SYNRG: variants seen among roughly 807,000 people sequenced by gnomAD.
SYNRG encodes the protein synergin gamma.
A neutral mutation model predicts 130.9 loss-of-function variants in SYNRG; 37 were observed. The observed-to-expected ratio is 0.28, with a 90% confidence interval of 0.22 to 0.37. The LOEUF is 0.37. Ranked by LOEUF, SYNRG falls within the 10% of genes least tolerant of loss-of-function variation. The pLI is 1.00. For synonymous variants in SYNRG, 539 were observed against 568.1 expected (o/e 0.95, Z 0.73); for missense variants, 1,338 against 1,588.9 (o/e 0.84, Z 2.68).
At chr17:37,586,370 AGATGCTATAATGTATCTTT>A (rs1189629186) in intron 4 of SYNRG, 30 bp downstream of exon 4, 1 of 1,605,222 alleles carries the variant, frequency 6.2e-7, no homozygotes, top group Admixed American at 1.7e-5. Context: ...TTCTTAAGAT[AGATGCTATAATGTATCTTT>A]GTTATCCTTT....
At chr17:37,520,734 G>T in intron 19 of SYNRG, 86 bp from the exon 20 acceptor site, 1 of 1,116,550 alleles carries the variant, frequency 9.0e-7, no homozygotes, top group Non-Finnish European at 1.4e-6. Flanking sequence ...CCCCCAGCAG[G>T]CCTAGCGGCA....
intron 18 of SYNRG, chr17:37,536,409 C>T (rs770599863): frequency 4.0e-5 from 16 of 402,878 alleles, no homozygotes; most frequent in Non-Finnish European, 6.1e-5. Context: ...TCAGTTTCCT[C>T]ATCTGTGAAG....
rs541368322 is a variant in SYNRG at position 37,537,871 on chromosome 17, G to T, written c.3517+453C>A. ...GGCCACGGGCCAAGCCTGAGCTTGGGGAAGGGAGGAACACCGAAGTGGACA... is the reference window on the plus strand; with the variant it reads ...GGCCACGGGCCAAGCCTGAGCTTGGTGAAGGGAGGAACACCGAAGTGGACA... On this transcript the variant is annotated intron_variant, in intron 18 of 21. Coordinates refer to ENST00000612223, the MANE Select transcript of SYNRG (RefSeq NM_007247.6). 7.2e-5 allele frequency among the ~76,000 whole-genome samples: 11 copies of T among 152,334 alleles called. No individual in the cohort carries two copies. In the South Asian group the frequency reaches 1.7e-3, roughly 23 times the overall value.
At chr17:37,540,188 G>A (rs9789065) in intron 16 of SYNRG, among the ~76,000 whole-genome samples, 192 bp downstream of exon 16, 12,450 of 152,260 alleles carry the variant, frequency 0.082, 814 homozygotes, top group East Asian at 0.2. Context: ...TTCAGTGGGT[G>A]CCACACCTGG....
chr17:37,601,234 A>C (rs928558616), intron 1 of SYNRG, among the ~76,000 whole-genome samples: 3 of 151,792 alleles, frequency 2.0e-5, no homozygotes, highest in African/African-American at 7.3e-5. Flanking sequence ...CGACTGGCTA[A>C]TTTTTTGTAT....
At chr17:37,529,855 G>C (rs897724745) in intron 19 of SYNRG, 117 of 1,551,334 alleles carry the variant, frequency 7.5e-5, no homozygotes, top group Non-Finnish European at 9.8e-5. Flanking sequence ...AGCAGCACTA[G>C]GAGAGAAGAG....
rs768014967 is a variant in SYNRG, at chr17:37,515,114, T to C, written c.*3826A>G. The C allele has an allele frequency of 2.5e-4, 38 of 152,198 alleles. No individual in the cohort carries two copies. Among genetic ancestry groups the C allele is most frequent in the African/African-American group, 3.1e-4 (13 of 41,460 alleles). 9.4% of individuals were successfully genotyped at this position (152,198 alleles called of 1,614,324 possible). ...AACCACTTACATTCACGTCAACATA[T>C]AAATAATGGAATTAAGTAAAAACTT... On this transcript the variant is annotated 3_prime_UTR_variant, in exon 22 of 22. Transcript: ENST00000612223.
At chr17:37,525,603 T>C (rs1258917509) in intron 19 of SYNRG, among the ~76,000 whole-genome samples, 3 of 151,672 alleles carry the variant, frequency 2.0e-5, no homozygotes, top group Non-Finnish European at 4.4e-5. Flanking sequence ...GAGGCCGAGG[T>C]GGGTGGATCA....
chr17:37,580,841 G>A (rs916375738), intron 6 of SYNRG, among the ~76,000 whole-genome samples: 5 of 151,808 alleles, frequency 3.3e-5, no homozygotes, highest in Non-Finnish European at 7.4e-5. Context: ...CCCAATTTTT[G>A]TATTTTTAGT....
Position 37,542,199 on chromosome 17 carries a change from T to G in SYNRG, c.2975A>C (p.Asp992Ala). 1 of 1,614,226 alleles carries G rather than the reference T, an allele frequency of 6.2e-7. No homozygotes were observed. Among genetic ancestry groups the G allele is most frequent in the Non-Finnish European group, 8.5e-7 (1 of 1,180,048 alleles). The change falls in exon 15 of 22, where the codon GAC (aspartate) becomes GCC (alanine). Residue 992 changes from aspartate (D) to alanine (A), a missense_variant. Physicochemically the swap from Asp to Ala is moderately radical, Grantham distance 126 (BLOSUM62 -2). Around this residue, in one of 3 missense-constraint regions of SYNRG, gnomAD observed 1,146 missense variants for 1,342.3 expected, o/e 0.85. Coordinates refer to ENST00000612223, the MANE Select transcript of SYNRG (RefSeq NM_007247.6). ...CTGGCTCCGTTCAGCCGTAGGCAGGTCCTGTTTTGTGAAATCTTTATAGTC... is the reference window on the plus strand; with the variant it reads ...CTGGCTCCGTTCAGCCGTAGGCAGGGCCTGTTTTGTGAAATCTTTATAGTC... ...NRDYKDFTKQDLPTAERSQEA... is the reference protein window; with the variant it reads ...NRDYKDFTKQALPTAERSQEA...
rs1260503742 is a variant in SYNRG at position 37,571,033 on chromosome 17, G to A, written c.1099-148C>T. The A allele has an allele frequency of 1.5e-5, 16 of 1,070,370 alleles. No homozygotes were observed. The Admixed American group carries it at 3.6e-4, about 24-fold the overall frequency. 66.3% of individuals were successfully genotyped at this position (1,070,370 alleles called of 1,614,324 possible). On this transcript the variant is annotated intron_variant, in intron 9 of 21. Transcript: ENST00000612223. The stretch of plus-strand genomic sequence containing the variant: ...TCATGAATTTGATTTAAGAAAAAAA[G>A]TTACAAGGTCAATGCAAACCTAATA...
At chr17:37,543,816 G>T (rs2058007671) in intron 14 of SYNRG, among the ~76,000 whole-genome samples, 1 of 152,260 alleles carries the variant, frequency 6.6e-6, no homozygotes, top group African/African-American at 2.4e-5. Context: ...AGCAAAACCA[G>T]CCGAGACTGA....
At position 37,518,569 on chromosome 17, in the gene SYNRG, T is replaced by C. The variant is rs528600443; in HGVS notation, c.*371A>G. ...AAGTGTCCTAGATAAAAACAAGCACTGGCTCCAAGCAGTCGCCCATTCTAG... is the reference window on the plus strand; with the variant it reads ...AAGTGTCCTAGATAAAAACAAGCACCGGCTCCAAGCAGTCGCCCATTCTAG... On this transcript the variant is annotated 3_prime_UTR_variant, in exon 22 of 22. Coordinates refer to ENST00000612223, the MANE Select transcript of SYNRG (RefSeq NM_007247.6). The C allele has an allele frequency of 3.4e-4, 69 of 202,184 alleles. No homozygotes were observed. The highest frequency in any genetic ancestry group is 1.5e-3 in the African/African-American group (66 of 43,502). 12.5% of individuals were successfully genotyped at this position (202,184 alleles called of 1,614,324 possible).
intron 11 of SYNRG, among the ~76,000 whole-genome samples, chr17:37,564,188 A>C (rs1261425898): frequency 6.6e-6 from 1 of 152,046 alleles, no homozygotes; most frequent in Admixed American, 6.6e-5. Flanking sequence ...TCAATGTCCC[A>C]TATCTGCTTT....
At chr17:37,572,594 C>T (rs1444055444) in intron 8 of SYNRG, among the ~76,000 whole-genome samples, 8 of 152,080 alleles carry the variant, frequency 5.3e-5, no homozygotes, top group African/African-American at 1.9e-4. Context: ...TTGGACTTTA[C>T]AAGAGAAGCT....
intron 1 of SYNRG, among the ~76,000 whole-genome samples, chr17:37,604,617 T>G (rs35344140): frequency 6.6e-6 from 1 of 152,080 alleles, no homozygotes; most frequent in Non-Finnish European, 1.5e-5. Context: ...TTTCCTGGAA[T>G]AGGACTTTTA....
intron 9 of SYNRG, 135 bp downstream of exon 9, chr17:37,571,656 T>G (rs542914322): frequency 4.7e-5 from 36 of 765,696 alleles, no homozygotes; most frequent in Admixed American, 9.3e-5. Context: ...AACTCTACAT[T>G]TTTGAAGTAC....
At chr17:37,545,063 T>C (rs1319536742) in intron 14 of SYNRG, among the ~76,000 whole-genome samples, 1 of 151,484 alleles carries the variant, frequency 6.6e-6, no homozygotes, top group East Asian at 1.9e-4. Context: ...CTACTAAAAA[T>C]ACAAAATTAG....
chr17:37,556,670 C>A (rs2059147537), intron 13 of SYNRG, among the ~76,000 whole-genome samples: 1 of 152,018 alleles, frequency 6.6e-6, no homozygotes. Context: ...GAACAGCATT[C>A]AGATTTCCTG....
Sources: gnomAD v4.1 joint callset for allele counts (sites outside exome capture counted in the v4.1 genomes callset) on GRCh38, gnomAD v4.1.1 for gene constraint, gnomAD v4.1.1 regional missense constraint, MANE v1.5 for transcripts, NCBI Gene and HGNC (gene_info 2026-07-23, HGNC 2026-07-21) for gene names.